CSMD1: variants seen among roughly 807,000 people sequenced by gnomAD.
The protein encoded by CSMD1 is CUB and sushi domain-containing protein 1.
Under a neutral mutation model 417.5 loss-of-function variants are expected in CSMD1, and 213 were observed. The observed-to-expected ratio is 0.51, with a 90% confidence interval of 0.46 to 0.57. The LOEUF is 0.57. Ranked by LOEUF, CSMD1 falls within the 20% of genes least tolerant of loss-of-function variation. The pLI is 0.00. For missense variants in CSMD1, 6,923 were observed against 4,529.7 expected (o/e 1.53, Z -15.17); for synonymous variants, 2,862 against 1,736.8 (o/e 1.65, Z -16.11).
intron 1 of CSMD1, among the ~76,000 whole-genome samples, chr8:4,703,198 T>C (rs1399059704): frequency 6.6e-6 from 1 of 152,188 alleles, no homozygotes; most frequent in Non-Finnish European, 1.5e-5. Context: ...CAAAATTCAG[T>C]GGATGATGCT....
intron 7 of CSMD1, among the ~76,000 whole-genome samples, chr8:3,666,907 G>C (rs971810680): frequency 6.6e-6 from 1 of 152,128 alleles, no homozygotes; most frequent in African/African-American, 2.4e-5. Context: ...TATTACACCT[G>C]CTATGGTGCA....
At chr8:4,053,102 T>C (rs1299911500) in intron 3 of CSMD1, among the ~76,000 whole-genome samples, 1 of 152,130 alleles carries the variant, frequency 6.6e-6, no homozygotes, top group Non-Finnish European at 1.5e-5. Flanking sequence ...AAGGGGCTGA[T>C]ACGAGGACCC....
At chr8:4,896,583 T>C (rs1804497705) in intron 1 of CSMD1, among the ~76,000 whole-genome samples, 1 of 152,112 alleles carries the variant, frequency 6.6e-6, no homozygotes, top group Non-Finnish European at 1.5e-5. Context: ...GATTTAATAT[T>C]TAACCATGTT....
chr8:3,698,298 G>T (rs933223440), intron 7 of CSMD1, among the ~76,000 whole-genome samples: 11 of 152,116 alleles, frequency 7.2e-5, no homozygotes, highest in Admixed American at 7.2e-4. Context: ...TACTACATTT[G>T]TTTTATATGG....
intron 3 of CSMD1, among the ~76,000 whole-genome samples, chr8:4,225,500 T>C (rs1455064709): frequency 1.1e-5 from 1 of 88,910 alleles, no homozygotes; most frequent in Admixed American, 1.1e-4. Context: ...AAGCAACTCA[T>C]CACTTTTTTT....
At chr8:3,726,319 T>C (rs953234976) in intron 6 of CSMD1, among the ~76,000 whole-genome samples, 1 of 152,188 alleles carries the variant, frequency 6.6e-6, no homozygotes, top group Admixed American at 6.5e-5. Context: ...CCTTTCTTCA[T>C]TAGGCCAATA....
At chr8:4,509,706 C>T (rs1295308968) in intron 2 of CSMD1, among the ~76,000 whole-genome samples, 1 of 152,142 alleles carries the variant, frequency 6.6e-6, no homozygotes, top group Non-Finnish European at 1.5e-5. Context: ...ACACTTTTGA[C>T]ACTTATTAAG....
At chr8:4,542,730 T>C (rs1306876312) in intron 2 of CSMD1, among the ~76,000 whole-genome samples, 1 of 152,134 alleles carries the variant, frequency 6.6e-6, no homozygotes, top group Non-Finnish European at 1.5e-5. Context: ...ATTCAATGGA[T>C]GGTCATGAAA....
chr8:3,670,520 TATATACATATATCCC>T (rs201529457), intron 7 of CSMD1, among the ~76,000 whole-genome samples: 19,434 of 141,510 alleles, frequency 0.14, 1,928 homozygotes, highest in East Asian at 0.28. Context: ...ATATATATCC[TATATACATATATCCC>T]ATATACATAT....
intron 1 of CSMD1, among the ~76,000 whole-genome samples, chr8:4,898,985 T>G (rs1804687243): frequency 6.6e-6 from 1 of 152,198 alleles, no homozygotes; most frequent in South Asian, 2.1e-4. Flanking sequence ...GGTAATGATA[T>G]CTACTTAAAA....
chr8:4,216,783 C>A (rs1800700435), intron 3 of CSMD1, among the ~76,000 whole-genome samples: 1 of 152,098 alleles, frequency 6.6e-6, no homozygotes, highest in East Asian at 1.9e-4. Flanking sequence ...AAGAGAAAGT[C>A]TCCAGATGAA....
intron 23 of CSMD1, among the ~76,000 whole-genome samples, chr8:3,339,105 G>A (rs560906699): frequency 2.0e-5 from 3 of 151,342 alleles, no homozygotes; most frequent in East Asian, 3.9e-4. Context: ...TTGTTCTTGC[G>A]ATAGTTTACT....
chr8:2,973,983 T>C (rs1292281150), intron 56 of CSMD1, among the ~76,000 whole-genome samples: 1 of 139,362 alleles, frequency 7.2e-6, no homozygotes, highest in Non-Finnish European at 1.5e-5. Context: ...TGGTAGAGGA[T>C]GGTGGTAGAG....
intron 47 of CSMD1, among the ~76,000 whole-genome samples, chr8:3,096,623 A>T (rs544503331): frequency 3.7e-4 from 57 of 152,306 alleles, no homozygotes; most frequent in Admixed American, 1.6e-3. Flanking sequence ...CTTTATCAGC[A>T]GCATGAAAAT....
intron 1 of CSMD1, among the ~76,000 whole-genome samples, chr8:4,678,071 A>G (rs1401268932): frequency 2.0e-5 from 3 of 152,198 alleles, no homozygotes; most frequent in Non-Finnish European, 4.4e-5. Flanking sequence ...ACACCCACAT[A>G]TGAATTAAAG....
At chr8:3,153,657 A>G (rs1372195445) in intron 39 of CSMD1, among the ~76,000 whole-genome samples, 3 of 152,248 alleles carry the variant, frequency 2.0e-5, no homozygotes, top group Non-Finnish European at 4.4e-5. Context: ...ACAAACACTC[A>G]TACATATCTT....
At chr8:3,907,945 G>C (rs565539441) in intron 5 of CSMD1, among the ~76,000 whole-genome samples, 14 of 151,550 alleles carry the variant, frequency 9.2e-5, no homozygotes, top group Middle Eastern at 3.4e-3. Flanking sequence ...TGATTTTTTT[G>C]GGGGGTGTGG....
chr8:3,439,886 T>C (rs1213570836), intron 12 of CSMD1, among the ~76,000 whole-genome samples: 5 of 152,208 alleles, frequency 3.3e-5, no homozygotes, highest in African/African-American at 1.2e-4. Flanking sequence ...TGTCCAGTTG[T>C]CCTGGAGCCA....
At chr8:4,509,260 C>A (rs942283601) in intron 2 of CSMD1, among the ~76,000 whole-genome samples, 5 of 151,974 alleles carry the variant, frequency 3.3e-5, no homozygotes, top group African/African-American at 7.3e-5. Flanking sequence ...TCAGAATATG[C>A]CATATTTTCT....
Sources: gnomAD v4.1 joint callset for allele counts (sites outside exome capture counted in the v4.1 genomes callset) on GRCh38, gnomAD v4.1.1 for gene constraint, MANE v1.5 for transcripts, NCBI Gene and HGNC (gene_info 2026-07-23, HGNC 2026-07-21) for gene names.